Variants in ERC1 observed in about 807,000 individuals in gnomAD.
ERC1 encodes RAB6 interacting protein 2.
Under a neutral mutation model 132.0 loss-of-function variants are expected in ERC1, and 56 were observed. The ratio of observed to expected loss-of-function variants is 0.42; its 90% CI spans 0.34 to 0.53. ERC1 has a LOEUF of 0.53. ERC1 is among the 20% of genes least tolerant of loss of function. The probability of loss-of-function intolerance (pLI) is 0.03; values close to 1 mark genes in which losing one functional copy is unlikely to be tolerated. For missense variants in ERC1, 1,202 were observed against 1,349.9 expected, an observed-to-expected ratio of 0.89 and a Z score of 1.72; for synonymous variants, 478 against 476.1, an observed-to-expected ratio of 1.00 and a Z score of -0.05.
chr12:1,355,572 ACTT>A (rs2085444839), intron 15 of ERC1, among the ~76,000 whole-genome samples: 1 of 152,372 alleles, frequency 6.6e-6, no homozygotes, highest in Non-Finnish European at 1.5e-5. Flanking sequence ...CTCTTGCTGT[ACTT>A]CTGTGGAATG....
chr12:1,462,852 T>C (rs2093669505), intron 18 of ERC1, among the ~76,000 whole-genome samples: 1 of 152,238 alleles, frequency 6.6e-6, no homozygotes, highest in South Asian at 2.1e-4. Flanking sequence ...CCAGTCTCCT[T>C]TTGAACTGTT....
At chr12:1,137,960 GATATA>G (rs984958000) in intron 7 of ERC1, among the ~76,000 whole-genome samples, 8 of 123,842 alleles carry the variant, frequency 6.5e-5, no homozygotes, top group African/African-American at 2.5e-4. Context: ...ATATAAATTA[GATATA>G]ATATTATCAT....
At chr12:1,009,225 A>G (rs370957232) in intron 1 of ERC1, among the ~76,000 whole-genome samples, 1 of 150,340 alleles carries the variant, frequency 6.7e-6, no homozygotes, top group Non-Finnish European at 1.5e-5. Flanking sequence ...CCCAGGCTGG[A>G]GTGCAGCGGC....
intron 4 of ERC1, among the ~76,000 whole-genome samples, chr12:1,105,510 A>T (rs907693295): frequency 7.9e-5 from 12 of 152,080 alleles, no homozygotes; most frequent in Non-Finnish European, 1.8e-4. Flanking sequence ...GGCGCCTGCC[A>T]CCACGCCCAG....
chr12:1,479,739 T>G (rs1037628833), intron 18 of ERC1, among the ~76,000 whole-genome samples: 1 of 151,914 alleles, frequency 6.6e-6, no homozygotes, highest in Non-Finnish European at 1.5e-5. Context: ...GACAGAGACA[T>G]GGAGAGTTAG....
intron 13 of ERC1, among the ~76,000 whole-genome samples, chr12:1,251,438 C>T (rs1002691566): frequency 2.0e-5 from 3 of 151,962 alleles, no homozygotes; most frequent in East Asian, 1.9e-4. Flanking sequence ...AGAATATTGT[C>T]GTAGGTGAGT....
chr12:1,358,914 C>T (rs1377019208), intron 15 of ERC1, among the ~76,000 whole-genome samples: 1 of 152,148 alleles, frequency 6.6e-6, no homozygotes, highest in Non-Finnish European at 1.5e-5. Flanking sequence ...TATCCATTTT[C>T]ACTTCAACCG....
intron 15 of ERC1, among the ~76,000 whole-genome samples, chr12:1,320,195 A>G (rs1204500374): frequency 6.6e-6 from 1 of 152,202 alleles, no homozygotes; most frequent in Non-Finnish European, 1.5e-5. Flanking sequence ...GCATCTTTTC[A>G]CATATGTAAG....
At chr12:1,243,265 T>G (rs1005739089) in intron 13 of ERC1, among the ~76,000 whole-genome samples, 6 of 152,140 alleles carry the variant, frequency 3.9e-5, no homozygotes, top group African/African-American at 1.4e-4. Flanking sequence ...GTGCATAGAT[T>G]ATCTGCAAAT....
intron 15 of ERC1, among the ~76,000 whole-genome samples, chr12:1,302,490 AAGG>A (rs1249486766): frequency 1.3e-5 from 2 of 152,160 alleles, no homozygotes; most frequent in Non-Finnish European, 2.9e-5. Flanking sequence ...GCAAGAAAAG[AAGG>A]AGGGAAAAAG....
chr12:1,210,434 T>C (rs975019820), intron 12 of ERC1, among the ~76,000 whole-genome samples: 1 of 152,216 alleles, frequency 6.6e-6, no homozygotes, highest in Non-Finnish European at 1.5e-5. Flanking sequence ...TGTATTCTTT[T>C]GTTTTAATCT....
intron 13 of ERC1, among the ~76,000 whole-genome samples, chr12:1,251,229 G>C (rs2076453027): frequency 6.6e-6 from 1 of 151,828 alleles, no homozygotes; most frequent in South Asian, 2.1e-4. Flanking sequence ...ATCTTTTTAG[G>C]AATACTATTT....
chr12:1,121,293 T>A (rs1163020950), intron 7 of ERC1, among the ~76,000 whole-genome samples: 1 of 152,238 alleles, frequency 6.6e-6, no homozygotes, highest in Admixed American at 6.5e-5. Flanking sequence ...GCTGAAGGCC[T>A]ATACAACTAC....
At chr12:1,309,690 G>A (rs1318216448) in intron 15 of ERC1, among the ~76,000 whole-genome samples, 1 of 146,578 alleles carries the variant, frequency 6.8e-6, no homozygotes, top group African/African-American at 2.5e-5. Context: ...TAACAAAACA[G>A]TATTCTCATT....
intron 15 of ERC1, among the ~76,000 whole-genome samples, chr12:1,349,107 CAT>C (rs2084756958): frequency 1.3e-5 from 2 of 152,148 alleles, no homozygotes; most frequent in South Asian, 4.1e-4. Context: ...GTCCTCAAAA[CAT>C]ATTCAACAAG....
intron 2 of ERC1, among the ~76,000 whole-genome samples, chr12:1,082,488 T>A (rs1231048496): frequency 1.5e-5 from 2 of 130,926 alleles, no homozygotes; most frequent in African/African-American, 2.7e-5. Context: ...AAAAAAATTT[T>A]TTTTTTTTTT....
intron 2 of ERC1, among the ~76,000 whole-genome samples, chr12:1,042,649 ATT>A (rs200405201): frequency 6.8e-6 from 1 of 146,416 alleles, no homozygotes. Context: ...AGTATTTTTA[ATT>A]TTTTTTTTTT....
chr12:1,117,826 TCTTA>T (rs1254058936), intron 7 of ERC1, among the ~76,000 whole-genome samples: 3 of 152,248 alleles, frequency 2.0e-5, no homozygotes, highest in South Asian at 2.1e-4. Context: ...ATCTGCATTT[TCTTA>T]CTTTTATTAA....
At chr12:1,144,348 C>G (rs1474942499) in intron 8 of ERC1, among the ~76,000 whole-genome samples, 1 of 152,018 alleles carries the variant, frequency 6.6e-6, no homozygotes, top group Non-Finnish European at 1.5e-5. Flanking sequence ...TTGGTGCACC[C>G]ATCACCTGAA....
Sources: allele counts gnomAD v4.1 joint callset (sites outside exome capture counted in the v4.1 genomes callset), GRCh38; gene constraint gnomAD v4.1.1; transcripts MANE v1.5; gene names NCBI Gene and HGNC (gene_info 2026-07-23, HGNC 2026-07-21).